CEP290: variants seen among roughly 807,000 people sequenced by gnomAD.
CEP290 encodes the protein centrosomal protein 290.
Under a neutral mutation model 344.9 loss-of-function variants are expected in CEP290, and 317 were observed. The observed-to-expected ratio is 0.92, with a 90% CI of 0.84 to 1.01. The LOEUF (loss-of-function observed/expected upper bound fraction) is 1.01, where lower values mean the gene tolerates loss of function less well. CEP290 is among the 50% of genes least tolerant of loss of function. The pLI is 0.00. For missense variants in CEP290, 2,754 were observed against 2,761.4 expected (o/e 1.00, Z 0.06); for synonymous variants, 932 against 895.8 (o/e 1.04, Z -0.72).
chr12:88,119,241 A>G (rs2039257702), intron 15 of CEP290, among the ~76,000 whole-genome samples: 1 of 152,214 alleles, frequency 6.6e-6, no homozygotes, highest in Non-Finnish European at 1.5e-5. Flanking sequence ...AATAGTTTTT[A>G]CAAATGATCA....
In CEP290 at chr12:88,058,893, A is replaced by G; in HGVS notation, c.6773T>C (p.Leu2258Pro). Residue 2258 changes from leucine (L) to proline (P), a missense_variant, in exon 49 of 54, where the codon CTT becomes CCT. Coordinates refer to ENST00000552810, the MANE Select transcript of CEP290 (RefSeq NM_025114.4). ...LQFAESRGPQ[L>P]EGADSKSWKS... is the part of the protein sequence containing the mutation. ...CCAGCTCTTACTGTCAGCACCTTCA[A>G]GCTGTGGACCTCTGCTTTCTGCAAA... The G allele has an allele frequency of 6.2e-7, 1 of 1,613,918 alleles. No homozygotes were observed.
chr12:88,078,686 G>A (rs1192200111), intron 39 of CEP290, among the ~76,000 whole-genome samples: 3 of 152,016 alleles, frequency 2.0e-5, no homozygotes, highest in Admixed American at 6.6e-5. Flanking sequence ...TGATTATGAT[G>A]TATCAATATA....
At chr12:88,122,704 C>T (rs565407055) in intron 13 of CEP290, among the ~76,000 whole-genome samples, 56 of 152,180 alleles carry the variant, frequency 3.7e-4, no homozygotes, top group Admixed American at 2.4e-3. Flanking sequence ...AATTAGAATA[C>T]GCACAATCCA....
chr12:88,096,444 T>C (rs2037438838), intron 27 of CEP290, among the ~76,000 whole-genome samples: 1 of 152,208 alleles, frequency 6.6e-6, no homozygotes, highest in South Asian at 2.1e-4. Flanking sequence ...GGAGCAAAAA[T>C]ATACAGTAAT....
intron 41 of CEP290, among the ~76,000 whole-genome samples, chr12:88,074,410 G>A (rs1205416087): frequency 1.3e-5 from 2 of 152,094 alleles, no homozygotes; most frequent in Non-Finnish European, 2.9e-5. Context: ...ATCCCACCTG[G>A]CATTACTTGC....
intron 13 of CEP290, among the ~76,000 whole-genome samples, chr12:88,122,952 C>T (rs182823504): frequency 3.2e-4 from 48 of 152,170 alleles, no homozygotes; most frequent in Non-Finnish European, 7.4e-5. Flanking sequence ...AGCTAAGAAC[C>T]TTGCTCCCTT....
chr12:88,093,733 A>G (rs752399705), intron 28 of CEP290, 37 bp downstream of exon 28: 2 of 1,454,110 alleles, frequency 1.4e-6, no homozygotes, highest in Non-Finnish European at 1.9e-6. Context: ...CTAATTCTTT[A>G]TTCTATAATT....
intron 49 of CEP290, among the ~76,000 whole-genome samples, chr12:88,056,413 T>G (rs1014065005): frequency 1.3e-5 from 2 of 152,154 alleles, no homozygotes; most frequent in Non-Finnish European, 2.9e-5. Flanking sequence ...ATGGCCAGTA[T>G]AGCTTTGGCA....
chr12:88,132,757 G>A (rs1177706387), intron 6 of CEP290, among the ~76,000 whole-genome samples: 3 of 152,140 alleles, frequency 2.0e-5, no homozygotes, highest in Non-Finnish European at 2.9e-5. Context: ...AAGTTCTGGG[G>A]TACATGTGTA....
At chr12:88,094,912 T>C (rs1420647476) in intron 27 of CEP290, among the ~76,000 whole-genome samples, 5 of 152,090 alleles carry the variant, frequency 3.3e-5, no homozygotes, top group Non-Finnish European at 5.9e-5. Context: ...CAAAGTAATA[T>C]ACATTTCCTG....
intron 53 of CEP290, 104 bp from the exon 54 acceptor site, chr12:88,049,518 A>G: frequency 1.5e-6 from 1 of 670,706 alleles, no homozygotes; most frequent in Non-Finnish European, 2.6e-6. Flanking sequence ...GTATTCCTGA[A>G]TGGTCAAATA....
At chr12:88,103,651 T>C (rs1319381137) in intron 25 of CEP290, 1 of 152,094 alleles carries the variant, frequency 6.6e-6, no homozygotes. Flanking sequence ...AGTTGCTGTA[T>C]AATAGGCAAA....
rs2040639110 is a variant in CEP290 at position 88,141,230 on chromosome 12, A to G, written c.78T>C (p.Asp26=). The G allele has an allele frequency of 6.2e-7, 1 of 1,610,218 alleles. No individual in the cohort carries two copies. The highest frequency in any genetic ancestry group is 8.5e-7 in the Non-Finnish European group (1 of 1,178,630). The change falls in exon 2 of 54, where the codon GAT becomes GAC. Residue 26 remains aspartate, a synonymous_variant. Transcript: ENST00000552810. ...DDLPRQEELA[D]NLLISLSKVE... is the part of the protein sequence containing the mutation. ...CCTTGGATAAGGAAATCAATAAATTATCTGCCAGTTCTTCTTGACGGGGCA... is the reference window on the plus strand; with the variant it reads ...CCTTGGATAAGGAAATCAATAAATTGTCTGCCAGTTCTTCTTGACGGGGCA...
At chr12:88,115,289 C>CAA in intron 18 of CEP290, 107 bp from the exon 19 acceptor site, 3 of 717,574 alleles carry the variant, frequency 4.2e-6, no homozygotes, top group South Asian at 3.9e-5. Flanking sequence ...CAAAACAAAA[C>CAA]AAAAAAAACG....
chr12:88,133,229 C>A (rs2040181148), intron 6 of CEP290, among the ~76,000 whole-genome samples: 1 of 151,940 alleles, frequency 6.6e-6, no homozygotes, highest in African/African-American at 2.4e-5. Context: ...GCATACAGTA[C>A]CATGACCAGT....
intron 39 of CEP290, among the ~76,000 whole-genome samples, chr12:88,078,792 G>A (rs200741445): frequency 6.6e-6 from 1 of 151,784 alleles, no homozygotes; most frequent in East Asian, 1.9e-4. Context: ...ACCTAAAATT[G>A]CTCTAAAAAA....
At chr12:88,120,309 C>T (rs1164639306) in intron 14 of CEP290, 33 bp from the exon 15 acceptor site, 15 of 1,087,342 alleles carry the variant, frequency 1.4e-5, no homozygotes, top group Non-Finnish European at 1.7e-5. Context: ...TAAAATATAA[C>T]ATGGTTTACT....
rs1304978820 is a variant in CEP290 at position 88,071,374 on chromosome 12, T to C, written c.5931A>G (p.Ile1977Met). ...ATTCTTTTTCTGACTCCAAAGCTCG[T>C]ATTCCCAAAACCTGATCAACAGTCA... ...TGMTVDQVLGIRALESEKELE... is the reference protein window; with the variant it reads ...TGMTVDQVLGMRALESEKELE... Residue 1977 changes from isoleucine to methionine, a missense_variant, in exon 43 of 54, where the codon ATA becomes ATG. Ile to Met is a conservative substitution (Grantham distance 10). Coordinates refer to ENST00000552810, the MANE Select transcript of CEP290 (RefSeq NM_025114.4). 1 of 1,611,528 alleles carries C rather than the reference T, an allele frequency of 6.2e-7. No individual in the cohort carries two copies. Among genetic ancestry groups the C allele is most frequent in the Non-Finnish European group, 8.5e-7 (1 of 1,178,386 alleles).
At chr12:88,068,160 A>C (rs530849516) in intron 44 of CEP290, among the ~76,000 whole-genome samples, 3 of 152,296 alleles carry the variant, frequency 2.0e-5, no homozygotes, top group African/African-American at 7.2e-5. Context: ...AGTTTTTATA[A>C]GCTAAAAATA....
Sources: allele counts gnomAD v4.1 joint callset (sites outside exome capture counted in the v4.1 genomes callset), GRCh38; gene constraint gnomAD v4.1.1; transcripts MANE v1.5; gene names NCBI Gene and HGNC (gene_info 2026-07-23, HGNC 2026-07-21).